Variants in ZG16 observed in about 807,000 individuals in gnomAD.
ZG16 encodes zymogen granule protein 16.
ZG16 carries 9 observed loss-of-function variants against 15.6 expected under a neutral mutation model. The observed-to-expected ratio is 0.58, with a 90% CI of 0.35 to 1.00. ZG16 has a LOEUF of 1.00. ZG16 is among the 50% of genes least tolerant of loss of function. ZG16 has a pLI of 0.02. For missense variants in ZG16, 174 were observed against 214.8 expected (o/e 0.81, Z 1.19); for synonymous variants, 89 against 87.4 (o/e 1.02, Z -0.10).
At chr16:29,779,772 T>G in intron 3 of ZG16, 135 bp downstream of exon 3, 1 of 1,219,488 alleles carries the variant, frequency 8.2e-7, no homozygotes, top group Non-Finnish European at 1.1e-6. Context: ...TGCCAGGGAT[T>G]TAAACCATGC....
chr16:29,779,405 G>A, intron 2 of ZG16, 84 bp downstream of exon 2: 1 of 1,535,330 alleles, frequency 6.5e-7, no homozygotes, highest in South Asian at 1.2e-5. Flanking sequence ...TTTGGAGGTT[G>A]GCTTGGGGTG....
chr16:29,779,675 C>T, intron 3 of ZG16, 38 bp downstream of exon 3: 1 of 1,535,040 alleles, frequency 6.5e-7, no homozygotes, highest in Non-Finnish European at 8.7e-7. Context: ...CGCGGTGGCT[C>T]ACATCTGTCA....
rs1159392677 is a variant in ZG16 at position 29,780,131 on chromosome 16, G to C, written c.216G>C (p.Trp72Cys). 6.5e-7 allele frequency: 1 copy of C among 1,537,042 alleles called. No individual in the cohort carries two copies. Among genetic ancestry groups the C allele is most frequent in the Non-Finnish European group, 8.7e-7 (1 of 1,146,798 alleles). The change falls in exon 4 of 4, where the codon TGG becomes TGC. Residue 72 changes from tryptophan to cysteine, a missense_variant. Transcript: ENST00000400752. ...TTCAGGTGCGCTATGGCAAGGTGTG[G>C]AGCGACTATGTGGGTGGTCGCAACG... ...VGLQVRYGKV[W>C]SDYVGGRNGD...
intron 1 of ZG16, 76 bp from the exon 2 acceptor site, chr16:29,779,184 G>A (rs1898591796): frequency 6.9e-7 from 1 of 1,440,412 alleles, no homozygotes; most frequent in Admixed American, 2.0e-5. Flanking sequence ...CTGAGCTGCA[G>A]GTCAGGAGTG....
chr16:29,779,168 C>A, intron 1 of ZG16, 92 bp from the exon 2 acceptor site: 1 of 1,283,538 alleles, frequency 7.8e-7, no homozygotes, highest in Non-Finnish European at 1.1e-6. Flanking sequence ...ACGAAGAAGG[C>A]TTGGTCTGAG....
chr16:29,782,426 G>C lies in ZG16; in HGVS notation c.*2007G>C, dbSNP rs917745599. ...AAATGAGGAGTTGAAGTTCCCCGTA[G>C]GATCTTCTAGGGCTCAACCAGCCTT... On this transcript the variant is annotated 3_prime_UTR_variant, in exon 4 of 4. Coordinates refer to ENST00000400752, the MANE Select transcript of ZG16 (RefSeq NM_152338.4). 2 of 152,176 alleles carry C rather than the reference G, an allele frequency of 1.3e-5. No individual in the cohort carries two copies. Among genetic ancestry groups the C allele is most frequent in the Non-Finnish European group, 2.9e-5 (2 of 68,026 alleles). The allele number at this position is 152,176 out of a possible 1,614,324, so 9.4% of individuals were successfully genotyped here.
Position 29,780,618 on chromosome 16 carries a change from G to T in ZG16, c.*199G>T, listed in dbSNP as rs1898615272. ...GCTGGCTTTGGACATCTGTCTGGAA[G>T]ATGGGAAGATGAGGGAGAGGTATGT... is the stretch of plus-strand genomic sequence containing the variant. On this transcript the variant is annotated 3_prime_UTR_variant, in exon 4 of 4. Coordinates refer to ENST00000400752, the MANE Select transcript of ZG16 (RefSeq NM_152338.4). The T allele has an allele frequency of 1.8e-6, 1 of 568,806 alleles. No homozygotes were observed. 35.2% of individuals were successfully genotyped at this position (568,806 alleles called of 1,614,324 possible).
chr16:29,781,982 C>G lies in ZG16; in HGVS notation c.*1563C>G, dbSNP rs1898629415. 6.6e-6 allele frequency: 1 copy of G among 152,206 alleles called. No individual in the cohort carries two copies. Among genetic ancestry groups the G allele is most frequent in the Non-Finnish European group, 1.5e-5 (1 of 68,034 alleles). The allele number at this position is 152,206 out of a possible 1,614,324, so 9.4% of individuals were successfully genotyped here. A position where few individuals can be genotyped will look rare whatever the true frequency, so the allele number is the denominator to read the frequency against. ...TCACCCATCATGTTGGGCATCAGATCAGGCAGGTTCACACACTACCTGAGG... is the reference window on the plus strand; with the variant it reads ...TCACCCATCATGTTGGGCATCAGATGAGGCAGGTTCACACACTACCTGAGG... On this transcript the variant is annotated 3_prime_UTR_variant, in exon 4 of 4. Transcript: ENST00000400752.
rs1390860201 is a variant in ZG16, at chr16:29,780,421, C to T, written c.*2C>T. Reference sequence around the variant, plus strand: ...CCCAGTAGCTGCAGCAGATGCTGAGCCTCCTCTCCTTGGCAGGGGCACTGT... The same window carrying T: ...CCCAGTAGCTGCAGCAGATGCTGAGTCTCCTCTCCTTGGCAGGGGCACTGT... On this transcript the variant is annotated 3_prime_UTR_variant, in exon 4 of 4. Coordinates refer to ENST00000400752, the MANE Select transcript of ZG16 (RefSeq NM_152338.4). 3 of 1,524,618 alleles carry T rather than the reference C, an allele frequency of 2.0e-6. No homozygotes were observed. Among genetic ancestry groups the T allele is most frequent in the Admixed American group, 2.0e-5 (1 of 50,424 alleles). 94.4% of individuals were successfully genotyped at this position (1,524,618 alleles called of 1,614,324 possible).
Position 29,779,579 on chromosome 16 carries a change from C to A in ZG16, c.130C>A (p.Gln44Lys). ...GGKRFSHSGN[Q>K]LDGPITALRV... Reference sequence around the variant, plus strand: ...AAAGCGATTCTCTCATTCTGGCAACCAGTTGGACGGCCCCATCACCGCCCT... The same window carrying A: ...AAAGCGATTCTCTCATTCTGGCAACAAGTTGGACGGCCCCATCACCGCCCT... The change falls in exon 3 of 4, where the codon CAG becomes AAG. Residue 44 changes from glutamine to lysine, a missense_variant. Transcript: ENST00000400752. The A allele has an allele frequency of 6.5e-7, 1 of 1,537,192 alleles. No individual in the cohort carries two copies. The highest frequency in any genetic ancestry group is 8.7e-7 in the Non-Finnish European group (1 of 1,146,918).
rs235643 is a variant in ZG16, at chr16:29,781,911, C to A, written c.*1492C>A. The A allele has an allele frequency of 0.89, 135,998 of 152,248 alleles. 62,639 individuals are homozygous for A. The highest frequency in any genetic ancestry group is 1 in the Non-Finnish European group (67,981 of 68,062). The allele number at this position is 152,248 out of a possible 1,614,324, so 9.4% of individuals were successfully genotyped here. A position where few individuals can be genotyped will look rare whatever the true frequency, so the allele number is the denominator to read the frequency against. On this transcript the variant is annotated 3_prime_UTR_variant, in exon 4 of 4. Coordinates refer to ENST00000400752, the MANE Select transcript of ZG16 (RefSeq NM_152338.4). ...GAGGACTGGGTGGAGAATCAGCAGA[C>A]AATGGCAGGGAGAGGCAGTCTGTGG...
chr16:29,779,722 G>A (rs1368838381), intron 3 of ZG16, 85 bp downstream of exon 3: 2 of 1,472,176 alleles, frequency 1.4e-6, no homozygotes, highest in African/African-American at 1.4e-5. Flanking sequence ...GATCGCTTGA[G>A]GCCAGGAGTT....
chr16:29,779,632 C>A lies in ZG16; in HGVS notation c.183C>A (p.Ile61=). The A allele has an allele frequency of 6.5e-7, 1 of 1,537,124 alleles. No individual in the cohort carries two copies. The highest frequency in any genetic ancestry group is 8.7e-7 in the Non-Finnish European group (1 of 1,146,846). ...GGGTCCGAGTCAACACATACTACAT[C>A]GTAGGGTAAGATTCTTTGAATTCCT... The part of the protein sequence containing the change: ...ALRVRVNTYY[I]VGLQVRYGKV... Residue 61 remains isoleucine, a synonymous_variant, in exon 3 of 4, where the codon ATC becomes ATA. Coordinates refer to ENST00000400752, the MANE Select transcript of ZG16 (RefSeq NM_152338.4).
chr16:29,779,148 A>G, intron 1 of ZG16, 112 bp from the exon 2 acceptor site: 1 of 1,025,624 alleles, frequency 9.8e-7, no homozygotes, highest in Non-Finnish European at 1.5e-6. Flanking sequence ...TGCTAGGTCT[A>G]AGTTGAAGGA....
chr16:29,780,045 G>C, intron 3 of ZG16, 59 bp from the exon 4 acceptor site: 2 of 1,430,460 alleles, frequency 1.4e-6, no homozygotes, highest in Non-Finnish European at 9.3e-7. Context: ...GGACTAGCCA[G>C]AGACCTCTCA....
intron 2 of ZG16, 58 bp from the exon 3 acceptor site, chr16:29,779,447 T>G: frequency 6.5e-7 from 1 of 1,534,558 alleles, no homozygotes; most frequent in Non-Finnish European, 8.7e-7. Context: ...ACAGGGGTGA[T>G]GCAGAGAAAC....
chr16:29,781,190 C>A lies in ZG16; in HGVS notation c.*771C>A, dbSNP rs539172510. 6.6e-6 allele frequency: 1 copy of A among 152,246 alleles called. No individual in the cohort carries two copies. Among genetic ancestry groups the A allele is most frequent in the African/African-American group, 2.4e-5 (1 of 41,462 alleles). 9.4% of individuals were successfully genotyped at this position (152,246 alleles called of 1,614,324 possible). ...TGAATGGGAGGTGAGAAGACACAGG[C>A]AGCAAGAATCGAGTGTTTCAAGAAG... On this transcript the variant is annotated 3_prime_UTR_variant, in exon 4 of 4. Coordinates refer to ENST00000400752, the MANE Select transcript of ZG16 (RefSeq NM_152338.4).
At chr16:29,778,772 G>A (rs1898586856) in intron 1 of ZG16, among the ~76,000 whole-genome samples, 1 of 152,114 alleles carries the variant, frequency 6.6e-6, no homozygotes, top group African/African-American at 2.4e-5. Context: ...CCATAATCCA[G>A]GCCAATTCAC....
At position 29,782,816 on chromosome 16, in the gene ZG16, G is replaced by A. The variant is rs1376571116; in HGVS notation, c.*2397G>A. 2 of 152,824 alleles carry A rather than the reference G, an allele frequency of 1.3e-5. No individual in the cohort carries two copies. Among genetic ancestry groups the A allele is most frequent in the South Asian group, 1.9e-4 (1 of 5,358 alleles). The allele number at this position is 152,824 out of a possible 1,614,324, so 9.5% of individuals were successfully genotyped here. A position where few individuals can be genotyped will look rare whatever the true frequency, so the allele number is the denominator to read the frequency against. Reference sequence around the variant, plus strand: ...AGGGACTGGCTGGAGCCACAGCTGAGGAACATAAATTGTGAAGATTTCATG... The same window carrying A: ...AGGGACTGGCTGGAGCCACAGCTGAAGAACATAAATTGTGAAGATTTCATG... On this transcript the variant is annotated 3_prime_UTR_variant, in exon 4 of 4. Coordinates refer to ENST00000400752, the MANE Select transcript of ZG16 (RefSeq NM_152338.4).
Sources: allele counts gnomAD v4.1 joint callset (sites outside exome capture counted in the v4.1 genomes callset), GRCh38; gene constraint gnomAD v4.1.1; transcripts MANE v1.5; gene names NCBI Gene and HGNC (gene_info 2026-07-23, HGNC 2026-07-21).